Variants in TANC1 observed in about 807,000 individuals in gnomAD.
The protein encoded by TANC1 is tetratricopeptide repeat, ankyrin repeat and coiled-coil containing 1.
Under a neutral mutation model 149.7 loss-of-function variants are expected in TANC1, and 77 were observed. That is an observed-to-expected ratio of 0.51 (90% CI 0.43 to 0.62). The LOEUF is 0.62. Among genes scored for constraint, TANC1 ranks in the 20% least tolerant of loss-of-function variants. The pLI, the probability that TANC1 is intolerant of heterozygous loss-of-function variation, is 0.00. For missense variants in TANC1, 1,985 were observed against 2,321.8 expected (o/e 0.85, Z 2.98); for synonymous variants, 854 against 925.0 (o/e 0.92, Z 1.39).
At chr2:159,115,359 T>C (rs2048140571) in intron 4 of TANC1, among the ~76,000 whole-genome samples, 1 of 152,184 alleles carries the variant, frequency 6.6e-6, no homozygotes, top group Non-Finnish European at 1.5e-5. Context: ...AGACTGGGAC[T>C]CCTTGAGTCA....
intron 3 of TANC1, among the ~76,000 whole-genome samples, chr2:159,088,699 A>G (rs1288485961): frequency 6.6e-6 from 1 of 152,138 alleles, no homozygotes; most frequent in Non-Finnish European, 1.5e-5. Context: ...TGACTTTTTT[A>G]AAAAACTCAT....
chr2:158,986,746 A>T (rs2035047293), intron 1 of TANC1, among the ~76,000 whole-genome samples: 1 of 152,198 alleles, frequency 6.6e-6, no homozygotes, highest in African/African-American at 2.4e-5. Flanking sequence ...TCTGGTAAAA[A>T]GCAACATCTG....
chr2:159,198,883 A>T, intron 18 of TANC1, 92 bp from the exon 19 acceptor site: 1 of 889,848 alleles, frequency 1.1e-6, no homozygotes, highest in Non-Finnish European at 1.8e-6. Flanking sequence ...GATAATGGTT[A>T]AAAAACAACA....
At chr2:159,171,154 C>G (rs1352250349) in intron 10 of TANC1, among the ~76,000 whole-genome samples, 1 of 152,138 alleles carries the variant, frequency 6.6e-6, no homozygotes, top group East Asian at 1.9e-4. Flanking sequence ...CAGATGGACT[C>G]TAATGTGGAG....
chr2:159,105,289 C>T (rs264647), intron 4 of TANC1, among the ~76,000 whole-genome samples: 58,664 of 150,520 alleles, frequency 0.39, 11,799 homozygotes, highest in East Asian at 0.6. Flanking sequence ...CCACCCCGCC[C>T]GGCCAGATAC....
At chr2:159,065,798 T>C (rs972799911) in intron 2 of TANC1, 98 bp from the exon 3 acceptor site, 4 of 896,152 alleles carry the variant, frequency 4.5e-6, no homozygotes, top group Non-Finnish European at 1.8e-6. Flanking sequence ...TTAAGCGGTC[T>C]GTTTGTTTGA....
At chr2:159,017,996 T>C (rs2038447848) in intron 2 of TANC1, among the ~76,000 whole-genome samples, 1 of 152,222 alleles carries the variant, frequency 6.6e-6, no homozygotes. Context: ...TCTTAGTGTA[T>C]GTGTGCGTTT....
At position 159,130,135 on chromosome 2, in the gene TANC1, CGTT is replaced by C. The variant is rs377146026; in HGVS notation, c.260-6043_260-6041del. ...ATACCAGACGGTCTTTCCTTGTTCT[CGTT>C]GTTGTTGTTGTTGTTTATTTCATGT... On this transcript the variant is annotated intron_variant, in intron 4 of 26. Transcript: ENST00000263635. Among the ~76,000 whole-genome samples the C allele has an allele frequency of 7.8e-3, 1,187 of 152,142 alleles. 21 individuals carry two copies. Among genetic ancestry groups the C allele is most frequent in the African/African-American group, 0.026 (1,098 of 41,522 alleles).
At chr2:159,149,316 A>T in intron 6 of TANC1, 44 bp downstream of exon 6, 1 of 1,613,296 alleles carries the variant, frequency 6.2e-7, no homozygotes. Flanking sequence ...TCTTCAGAGG[A>T]TGAACGAAGC....
intron 4 of TANC1, among the ~76,000 whole-genome samples, chr2:159,122,299 C>T (rs952659318): frequency 6.6e-6 from 1 of 152,136 alleles, no homozygotes; most frequent in Non-Finnish European, 1.5e-5. Flanking sequence ...ATGATAGATG[C>T]TGGGGCTGGC....
At chr2:159,204,202 C>G (rs2058449729) in intron 19 of TANC1, among the ~76,000 whole-genome samples, 1 of 152,146 alleles carries the variant, frequency 6.6e-6, no homozygotes, top group African/African-American at 2.4e-5. Flanking sequence ...TTAAATGAAA[C>G]AAAGTCATAT....
At chr2:159,188,723 T>C (rs2057211268) in intron 16 of TANC1, among the ~76,000 whole-genome samples, 1 of 152,270 alleles carries the variant, frequency 6.6e-6, no homozygotes, top group Non-Finnish European at 1.5e-5. Flanking sequence ...GGAATGCTGA[T>C]GCTGCCCTAT....
intron 2 of TANC1, among the ~76,000 whole-genome samples, chr2:159,028,484 C>A (rs1417437185): frequency 1.3e-5 from 2 of 152,176 alleles, no homozygotes; most frequent in East Asian, 3.8e-4. Flanking sequence ...AGGACAAGAA[C>A]TTTGAAGCTA....
chr2:159,062,992 A>AAAAAAAAAAAAAAAAAAAAC (rs1559188236), intron 2 of TANC1, among the ~76,000 whole-genome samples: 1 of 147,414 alleles, frequency 6.8e-6, no homozygotes, highest in African/African-American at 2.5e-5. Flanking sequence ...AAAAAAAAAA[A>AAAAAAAAAAAAAAAAAAAAC]AAAGAAAGCA....
chr2:158,978,922 TC>T (rs1174848022), intron 1 of TANC1, among the ~76,000 whole-genome samples: 1 of 152,182 alleles, frequency 6.6e-6, no homozygotes, highest in Non-Finnish European at 1.5e-5. Flanking sequence ...CAAGGGAACA[TC>T]AAATTTGGTT....
At chr2:159,060,189 AAAG>A in intron 2 of TANC1, 1 of 423,048 alleles carries the variant, frequency 2.4e-6, no homozygotes, top group East Asian at 1.6e-4. Flanking sequence ...TCTTTGAAGC[AAAG>A]AAGAAAAATG....
chr2:159,041,973 C>T (rs1321569973), intron 2 of TANC1, among the ~76,000 whole-genome samples: 1 of 152,178 alleles, frequency 6.6e-6, no homozygotes, highest in African/African-American at 2.4e-5. Context: ...AGGCATTTGA[C>T]ATGGGGGTGA....
chr2:159,122,809 C>G (rs562117665), intron 4 of TANC1, among the ~76,000 whole-genome samples: 4 of 138,074 alleles, frequency 2.9e-5, no homozygotes, highest in African/African-American at 8.0e-5. Context: ...CAAAGTGGTT[C>G]TACCATTTTG....
chr2:159,069,506 T>C (rs1400988321), intron 3 of TANC1, among the ~76,000 whole-genome samples: 1 of 152,186 alleles, frequency 6.6e-6, no homozygotes, highest in Non-Finnish European at 1.5e-5. Context: ...TTAAGTGACC[T>C]TTACTATCAG....
Sources: gnomAD v4.1 joint callset for allele counts (sites outside exome capture counted in the v4.1 genomes callset) on GRCh38, gnomAD v4.1.1 for gene constraint, MANE v1.5 for transcripts, NCBI Gene and HGNC (gene_info 2026-07-23, HGNC 2026-07-21) for gene names.